The following OSBPL10 variants were observed in gnomAD, a reference collection of about 807,000 sequenced individuals.
The protein encoded by OSBPL10 is oxysterol binding protein like 10.
Under a neutral mutation model 81.7 loss-of-function variants are expected in OSBPL10, and 49 were observed. That is an observed-to-expected ratio of 0.60 (90% CI 0.48 to 0.76). The LOEUF is 0.76. Ranked by LOEUF, OSBPL10 falls within the 30% of genes least tolerant of loss-of-function variation. The probability of loss-of-function intolerance (pLI) is 0.00; values close to 1 mark genes in which losing one functional copy is unlikely to be tolerated. For missense variants in OSBPL10, 923 were observed against 987.8 expected (o/e 0.93, Z 0.88); for synonymous variants, 419 against 383.6 (o/e 1.09, Z -1.08).
At chr3:31,784,095 T>C (rs1158050559) in intron 4 of OSBPL10, among the ~76,000 whole-genome samples, 4 of 151,168 alleles carry the variant, frequency 2.6e-5, no homozygotes, top group Non-Finnish European at 5.9e-5. Context: ...TCCCAGCACT[T>C]TGGGAGGCAG....
chr3:31,842,989 T>G (rs1700537670), intron 3 of OSBPL10, among the ~76,000 whole-genome samples: 1 of 152,206 alleles, frequency 6.6e-6, no homozygotes, highest in South Asian at 2.1e-4. Context: ...AACAGAGAGA[T>G]GAAAAAATGT....
intron 3 of OSBPL10, among the ~76,000 whole-genome samples, chr3:31,871,306 G>A (rs1020593171): frequency 8.6e-5 from 13 of 151,516 alleles, no homozygotes; most frequent in Admixed American, 7.2e-4. Context: ...CAGATGCGCC[G>A]CCTTAAGAGC....
At chr3:31,751,290 T>C (rs892440773) in intron 4 of OSBPL10, among the ~76,000 whole-genome samples, 1 of 152,078 alleles carries the variant, frequency 6.6e-6, no homozygotes, top group Non-Finnish European at 1.5e-5. Flanking sequence ...GGGGCTGCAG[T>C]GATCTGTGAC....
At chr3:31,722,687 C>T (rs1050503987) in intron 6 of OSBPL10, among the ~76,000 whole-genome samples, 3 of 152,032 alleles carry the variant, frequency 2.0e-5, no homozygotes, top group South Asian at 2.1e-4. Context: ...GTCAGAATTA[C>T]AAGCTGGCTC....
chr3:32,004,481 C>G (rs984246929), intron 2 of OSBPL10, among the ~76,000 whole-genome samples: 1 of 152,172 alleles, frequency 6.6e-6, no homozygotes, highest in Non-Finnish European at 1.5e-5. Context: ...AAAGGGGAGT[C>G]AGAACACAGG....
chr3:31,830,045 T>A lies in OSBPL10; in HGVS notation c.724A>T (p.Arg242Ter). ...SQYSGQLHEV[R>*]EMMNQVEGQQ... ...AGTAGGAGAGCAAAGCCTACCTCTC[T>A]GACTTCGTGAAGCTGGCCGGAATAC... The change falls in exon 4 of 12, where the codon AGA becomes TGA. Residue 242 changes from arginine (R) to a stop codon, truncating the protein, a stop_gained. Transcript: ENST00000396556. LOFTEE classifies it high-confidence loss of function. 1 of 1,612,592 alleles carries A rather than the reference T, an allele frequency of 6.2e-7. No individual in the cohort carries two copies. Among genetic ancestry groups the A allele is most frequent in the Non-Finnish European group, 8.5e-7 (1 of 1,179,632 alleles).
Position 31,845,802 on chromosome 3 carries a change from A to C in OSBPL10, c.538-15571T>G, listed in dbSNP as rs528886610. On this transcript the variant is annotated intron_variant, in intron 3 of 11. Coordinates refer to ENST00000396556, the MANE Select transcript of OSBPL10 (RefSeq NM_017784.5). ...AAACCGATGCTTTTCAGAGACTCCC[A>C]AAACCTGTCATTTACAGCAGGGCAG... Among the ~76,000 whole-genome samples the C allele has an allele frequency of 1.5e-3, 228 of 152,302 alleles. 1 individual carries two copies. The highest frequency in any genetic ancestry group is 2.9e-3 in the Non-Finnish European group (198 of 68,024).
chr3:31,769,655 G>C (rs1306032101), intron 4 of OSBPL10, among the ~76,000 whole-genome samples: 1 of 151,036 alleles, frequency 6.6e-6, no homozygotes, highest in Non-Finnish European at 1.5e-5. Context: ...CTGTAGCTGT[G>C]CAGACTACAG....
At chr3:32,014,627 A>G (rs886905409) in intron 2 of OSBPL10, among the ~76,000 whole-genome samples, 2 of 152,202 alleles carry the variant, frequency 1.3e-5, no homozygotes, top group African/African-American at 4.8e-5. Context: ...AATAAAGGGT[A>G]TTCAATTAGG....
chr3:31,690,060 C>CA (rs1695482359), intron 7 of OSBPL10, among the ~76,000 whole-genome samples: 1 of 151,468 alleles, frequency 6.6e-6, no homozygotes, highest in South Asian at 2.1e-4. Context: ...AGTAATTGGC[C>CA]AAAAAAGGTG....
At chr3:31,973,155 T>C (rs1051883030) in intron 1 of OSBPL10, among the ~76,000 whole-genome samples, 2 of 152,184 alleles carry the variant, frequency 1.3e-5, no homozygotes, top group African/African-American at 4.8e-5. Flanking sequence ...TCAACCCTTC[T>C]TTCAGGACAC....
chr3:31,757,378 T>C (rs545022750), intron 4 of OSBPL10, among the ~76,000 whole-genome samples: 1 of 152,220 alleles, frequency 6.6e-6, no homozygotes, highest in Admixed American at 6.5e-5. Flanking sequence ...GGCAGAAAGA[T>C]CACTTGAGGC....
chr3:31,845,185 C>A (rs570028799), intron 3 of OSBPL10, among the ~76,000 whole-genome samples: 1 of 152,114 alleles, frequency 6.6e-6, no homozygotes, highest in Admixed American at 6.5e-5. Context: ...AACCCTCCAC[C>A]GGCAATTCTA....
intron 3 of OSBPL10, among the ~76,000 whole-genome samples, chr3:31,840,756 T>G (rs1485061341): frequency 6.6e-6 from 1 of 152,232 alleles, no homozygotes; most frequent in Non-Finnish European, 1.5e-5. Context: ...CCTGTGCTTT[T>G]TATAAGTATG....
intron 1 of OSBPL10, among the ~76,000 whole-genome samples, chr3:32,049,494 G>A (rs1339164273): frequency 6.6e-6 from 1 of 152,094 alleles, no homozygotes; most frequent in Non-Finnish European, 1.5e-5. Flanking sequence ...GAGGGTTAAA[G>A]GCTCCTCTTA....
rs1188034401 is a variant in OSBPL10 at position 31,981,229 on chromosome 3, C to T, written c.-50G>A. ...GTGCCCGCCGCGGTGGCGGCCCCGG[C>T]ACGGCGGCTGCTGCTGCTGCTACAG... On this transcript the variant is annotated 5_prime_UTR_variant, in exon 1 of 12. Transcript: ENST00000396556. The surrounding 1 kb of genome is among the most constrained non-coding windows in gnomAD (Gnocchi z 4.5). 37 of 1,341,926 alleles carry T rather than the reference C, an allele frequency of 2.8e-5. No individual in the cohort carries two copies. Among genetic ancestry groups the T allele is most frequent in the Non-Finnish European group, 3.4e-5 (36 of 1,055,258 alleles). The allele number at this position is 1,341,926 out of a possible 1,614,324, so 83.1% of individuals were successfully genotyped here. A position where few individuals can be genotyped will look rare whatever the true frequency, so the allele number is the denominator to read the frequency against.
chr3:31,748,029 T>C lies in OSBPL10; in HGVS notation c.821A>G (p.Asp274Gly), dbSNP rs1575518707. The change falls in exon 5 of 12, where the codon GAC becomes GGC. Residue 274 changes from aspartate (D) to glycine (G), a missense_variant. This residue lies in a region of OSBPL10 where 514 missense variants were observed against 508.0 expected (regional missense o/e 1.01). Coordinates refer to ENST00000396556, the MANE Select transcript of OSBPL10 (RefSeq NM_017784.5). ...GSGPLTALDQDLLLLKATSAA... is the reference protein window; with the variant it reads ...GSGPLTALDQGLLLLKATSAA... The stretch of plus-strand genomic sequence containing the variant: ...AGAGGTAGCTTTCAGGAGCAGCAGG[T>C]CCTGGTCCAAGGCAGTGAGGGGGCC... The C allele has an allele frequency of 5.0e-6, 8 of 1,614,120 alleles. No individual in the cohort carries two copies. The highest frequency in any genetic ancestry group is 5.9e-6 in the Non-Finnish European group (7 of 1,180,018).
At chr3:31,919,610 A>G (rs546883131) in intron 1 of OSBPL10, 2 of 152,290 alleles carry the variant, frequency 1.3e-5, no homozygotes, top group Admixed American at 1.3e-4. Flanking sequence ...CATCAATTCA[A>G]ATTTCTAAGT....
At chr3:31,782,861 T>C (rs1295219127) in intron 4 of OSBPL10, among the ~76,000 whole-genome samples, 1 of 152,050 alleles carries the variant, frequency 6.6e-6, no homozygotes, top group Admixed American at 6.6e-5. Flanking sequence ...AGCGTAACCA[T>C]TATGGAAAAC....
Sources: gnomAD v4.1 joint callset for allele counts (sites outside exome capture counted in the v4.1 genomes callset) on GRCh38, gnomAD v4.1.1 for gene constraint, gnomAD v4.1.1 regional missense constraint, Gnocchi (gnomAD v3.1) non-coding constraint, MANE v1.5 for transcripts, NCBI Gene and HGNC (gene_info 2026-07-23, HGNC 2026-07-21) for gene names.